The following RAD18 variants were observed in gnomAD, a reference collection of about 807,000 sequenced individuals.
The protein encoded by RAD18 is E3 ubiquitin-protein ligase RAD18.
RAD18 carries 47 observed loss-of-function variants against 60.4 expected under a neutral mutation model. The ratio of observed to expected loss-of-function variants is 0.78; its 90% CI spans 0.62 to 0.99. The LOEUF (loss-of-function observed/expected upper bound fraction) is 0.99, where lower values mean the gene tolerates loss of function less well. Ranked by LOEUF, RAD18 falls within the 50% of genes least tolerant of loss-of-function variation. The pLI, the probability that RAD18 is intolerant of heterozygous loss-of-function variation, is 0.00. For synonymous variants in RAD18, 225 were observed against 195.5 expected, an observed-to-expected ratio of 1.15 and a Z score of -1.26; for missense variants, 640 against 593.3, an observed-to-expected ratio of 1.08 and a Z score of -0.82.
chr3:8,916,686 A>G (rs1386018748), intron 7 of RAD18, among the ~76,000 whole-genome samples: 1 of 152,212 alleles, frequency 6.6e-6, no homozygotes, highest in Non-Finnish European at 1.5e-5. Context: ...AATGTTAGAT[A>G]TATAGATATA....
chr3:8,936,188 A>T (rs1940650447), intron 6 of RAD18, 133 bp from the exon 7 acceptor site: 1 of 872,888 alleles, frequency 1.1e-6, no homozygotes, highest in Admixed American at 3.6e-5. Context: ...AAAAGGGGAG[A>T]GAAAAATCAA....
At chr3:8,915,073 C>T (rs1575543979) in intron 7 of RAD18, among the ~76,000 whole-genome samples, 1 of 144,952 alleles carries the variant, frequency 6.9e-6, no homozygotes, top group East Asian at 2.0e-4. Flanking sequence ...GGCGTGAACC[C>T]GGGAGGCGGA....
At chr3:8,882,974 A>C (rs2125044380) in intron 12 of RAD18, among the ~76,000 whole-genome samples, 1 of 152,272 alleles carries the variant, frequency 6.6e-6, no homozygotes, top group African/African-American at 2.4e-5. Context: ...CAAGGGAAAA[A>C]CCCATTTCGA....
intron 7 of RAD18, among the ~76,000 whole-genome samples, chr3:8,922,526 T>A (rs1277741943): frequency 6.6e-6 from 1 of 152,142 alleles, no homozygotes; most frequent in African/African-American, 2.4e-5. Flanking sequence ...CAGAAACCTC[T>A]GCAGGCTTAA....
At chr3:8,887,549 T>C (rs905893402) in intron 12 of RAD18, among the ~76,000 whole-genome samples, 2 of 152,228 alleles carry the variant, frequency 1.3e-5, no homozygotes, top group African/African-American at 4.8e-5. Context: ...TGTAGCTTGT[T>C]GTTGTTGCTT....
intron 11 of RAD18, among the ~76,000 whole-genome samples, chr3:8,891,114 C>T (rs604851): frequency 0.84 from 125,928 of 150,234 alleles, 53,019 homozygotes; most frequent in South Asian, 0.9. Flanking sequence ...TTTATGCATA[C>T]ACACAGTAAC....
intron 7 of RAD18, among the ~76,000 whole-genome samples, chr3:8,924,389 C>A: frequency 6.9e-6 from 1 of 145,418 alleles, no homozygotes; most frequent in Non-Finnish European, 1.5e-5. Flanking sequence ...GCACCCAATA[C>A]AGGAGCACCC....
chr3:8,884,058 T>C (rs527593248), intron 12 of RAD18, among the ~76,000 whole-genome samples: 59 of 152,294 alleles, frequency 3.9e-4, no homozygotes, highest in African/African-American at 1.3e-3. Flanking sequence ...ACAGGCTAAG[T>C]AAAAATTCTC....
chr3:8,948,656 G>C, intron 2 of RAD18, 86 bp from the exon 3 acceptor site: 1 of 1,145,042 alleles, frequency 8.7e-7, no homozygotes, highest in African/African-American at 1.6e-5. Context: ...TTAAGCCCTA[G>C]ACTATTTCCG....
rs1342212711 is a variant in RAD18 at position 8,898,949 on chromosome 3, TAGA to T, written c.1264_1266del (p.Ser423del). 1 of 1,608,278 alleles carries T rather than the reference TAGA, an allele frequency of 6.2e-7. No homozygotes were observed. The highest frequency in any genetic ancestry group is 2.2e-5 in the East Asian group (1 of 44,798). ...AGAACTTCTTGAATATCAATACAGCTAGAAGAATCCTCTTCTCTGTCAGGTTCC... is the reference window on the plus strand; with the variant it reads ...AGAACTTCTTGAATATCAATACAGCTAGAATCCTCTTCTCTGTCAGGTTCC... On this transcript the variant is annotated inframe_deletion, in exon 11 of 13. Coordinates refer to ENST00000264926, the MANE Select transcript of RAD18 (RefSeq NM_020165.4).
intron 7 of RAD18, among the ~76,000 whole-genome samples, chr3:8,929,943 G>A (rs751985242): frequency 2.6e-5 from 4 of 152,128 alleles, no homozygotes; most frequent in African/African-American, 4.8e-5. Context: ...CACTGCGCCC[G>A]GCACAGCTGG....
intron 7 of RAD18, among the ~76,000 whole-genome samples, chr3:8,925,771 A>G (rs942589361): frequency 3.3e-5 from 5 of 152,232 alleles, no homozygotes; most frequent in Non-Finnish European, 7.3e-5. Context: ...GCAAATCAAT[A>G]AATGTAATCC....
intron 7 of RAD18, among the ~76,000 whole-genome samples, chr3:8,920,575 T>C (rs1316202733): frequency 6.6e-6 from 1 of 152,176 alleles, no homozygotes; most frequent in African/African-American, 2.4e-5. Flanking sequence ...AGAGAGAAAC[T>C]GGCCAGGTGA....
chr3:8,913,691 T>C lies in RAD18; in HGVS notation c.919A>G (p.Ile307Val), dbSNP rs45569933. 3.9e-3 allele frequency: 6,200 copies of C among 1,579,738 alleles called. 170 individuals are homozygous for C. In the African/African-American group the frequency reaches 0.069, roughly 18 times the overall value. ...TCAAGACGCATCCTAGTCTTCTCTA[T>C]ATTTTCGATTTCTCGAACTATTTCA... The part of the protein sequence containing the change: ...AAEIVREIEN[I>V]EKTRMRLEAS... The change falls in exon 8 of 13, where the codon ATA becomes GTA. Residue 307 changes from isoleucine (I) to valine (V), a missense_variant. Ile to Val is a conservative substitution (Grantham distance 29). Coordinates refer to ENST00000264926, the MANE Select transcript of RAD18 (RefSeq NM_020165.4).
At position 8,913,639 on chromosome 3, in the gene RAD18, C is replaced by A; in HGVS notation, c.966+5G>T. On this transcript the variant is annotated splice_donor_5th_base_variant and intron_variant, in intron 8 of 12. Transcript: ENST00000264926. The stretch of plus-strand genomic sequence containing the variant: ...TCCATATACTGAAATAGCCCATTAA[C>A]ATACACTTTCATTGAGTTTACTAGC... The A allele has an allele frequency of 6.5e-7, 1 of 1,529,224 alleles. No homozygotes were observed. The highest frequency in any genetic ancestry group is 8.8e-7 in the Non-Finnish European group (1 of 1,130,410). The allele number at this position is 1,529,224 out of a possible 1,614,324, so 94.7% of individuals were successfully genotyped here. A position where few individuals can be genotyped will look rare whatever the true frequency, so the allele number is the denominator to read the frequency against.
chr3:8,911,643 T>C (rs1311509744), intron 9 of RAD18, among the ~76,000 whole-genome samples: 1 of 152,144 alleles, frequency 6.6e-6, no homozygotes, highest in Non-Finnish European at 1.5e-5. Context: ...CTACAGAACC[T>C]GGCCCTTCAG....
intron 10 of RAD18, among the ~76,000 whole-genome samples, chr3:8,899,831 G>A (rs567420204): frequency 2.6e-5 from 4 of 152,184 alleles, no homozygotes; most frequent in African/African-American, 9.7e-5. Context: ...TTCAGGAACT[G>A]AGGAGGTACC....
chr3:8,914,995 T>TAAA lies in RAD18; in HGVS notation c.890-1278_890-1276dup, dbSNP rs747164815. 1.3e-3 allele frequency among the ~76,000 whole-genome samples: 193 copies of TAAA among 150,818 alleles called. 1 individual carries two copies. The highest frequency in any genetic ancestry group is 2.2e-3 in the Admixed American group (33 of 15,186). On this transcript the variant is annotated intron_variant, in intron 7 of 12. Transcript: ENST00000264926. ...CCACTAAAAATAAAAAAAAATTTTT[T>TAAA]AAAATTAGCCGGGTGTGGTGGGGGG... is the stretch of plus-strand genomic sequence containing the variant.
intron 11 of RAD18, among the ~76,000 whole-genome samples, chr3:8,895,950 T>C (rs993196079): frequency 1.3e-5 from 2 of 152,256 alleles, no homozygotes; most frequent in Non-Finnish European, 2.9e-5. Context: ...TTAAAATGTT[T>C]AGATCTAGTC....
Sources: gnomAD v4.1 joint callset for allele counts (sites outside exome capture counted in the v4.1 genomes callset) on GRCh38, gnomAD v4.1.1 for gene constraint, MANE v1.5 for transcripts, NCBI Gene and HGNC (gene_info 2026-07-23, HGNC 2026-07-21) for gene names.